Variants in OSBPL5 observed in about 807,000 individuals in gnomAD.
The protein encoded by OSBPL5 is oxysterol binding protein like 5.
In OSBPL5, 71 loss-of-function variants were observed where a neutral mutation model predicts 111.2. That is an observed-to-expected ratio of 0.64 (90% CI 0.53 to 0.78). OSBPL5 has a LOEUF of 0.78. Among genes scored for constraint, OSBPL5 ranks in the 30% least tolerant of loss-of-function variants. OSBPL5 has a pLI of 0.00. For missense variants in OSBPL5, 1,210 were observed against 1,189.3 expected, an observed-to-expected ratio of 1.02 and a Z score of -0.26; for synonymous variants, 549 against 513.9, an observed-to-expected ratio of 1.07 and a Z score of -0.93.
rs993614709 is a variant in OSBPL5, at chr11:3,109,569, T to C, written c.692-1624A>G. ...TCGTGGGGCATCTCAGGGTCCAGTGTAGGGAGGGGCCTGCCTAGACAGTGG... is the reference window on the plus strand; with the variant it reads ...TCGTGGGGCATCTCAGGGTCCAGTGCAGGGAGGGGCCTGCCTAGACAGTGG... On this transcript the variant is annotated intron_variant, in intron 7 of 21. Transcript: ENST00000263650. The surrounding 1 kb of genome is among the most constrained non-coding windows in gnomAD (Gnocchi z 7.4). Among the ~76,000 whole-genome samples the C allele has an allele frequency of 2.0e-5, 3 of 152,142 alleles. No individual in the cohort carries two copies. The highest frequency in any genetic ancestry group is 2.9e-5 in the Non-Finnish European group (2 of 68,018).
chr11:3,089,673 C>T (rs893458437), intron 21 of OSBPL5, among the ~76,000 whole-genome samples, 173 bp downstream of exon 21: 1 of 152,202 alleles, frequency 6.6e-6, no homozygotes, highest in Admixed American at 6.5e-5. Context: ...CACACCCTCT[C>T]TCCTGCCCTC....
intron 12 of OSBPL5, 91 bp from the exon 13 acceptor site, chr11:3,101,790 G>C (rs933775424): frequency 9.7e-7 from 1 of 1,028,180 alleles, no homozygotes; most frequent in African/African-American, 1.6e-5. Context: ...ACCTGTCCCT[G>C]TCCCTGACGC....
At position 3,162,348 on chromosome 11, in the gene OSBPL5, G is replaced by T. The variant is rs1188078148; in HGVS notation, c.-22+2868C>A. Among the ~76,000 whole-genome samples the T allele has an allele frequency of 6.6e-6, 1 of 151,950 alleles. No homozygotes were observed. The highest frequency in any genetic ancestry group is 1.5e-5 in the Non-Finnish European group (1 of 67,988). ...GGTGGCTCTGAGATTTGCAACAAAG[G>T]CCCTCTAGGAATTCTGGATCCCTCT... On this transcript the variant is annotated intron_variant, in intron 1 of 21. Transcript: ENST00000263650. The surrounding 1 kb of genome is among the most constrained non-coding windows in gnomAD (Gnocchi z 8.1).
chr11:3,124,735 G>A (rs1435046584), intron 3 of OSBPL5, among the ~76,000 whole-genome samples: 1 of 152,110 alleles, frequency 6.6e-6, no homozygotes, highest in Non-Finnish European at 1.5e-5. Flanking sequence ...CTTCCACCAG[G>A]GGAGGGTTCT....
intron 11 of OSBPL5, 32 bp downstream of exon 11, chr11:3,103,207 A>G: frequency 1.9e-6 from 3 of 1,566,580 alleles, no homozygotes; most frequent in Non-Finnish European, 2.6e-6. Flanking sequence ...CCTGGGCCGG[A>G]GCCCCACCCT....
chr11:3,144,188 A>G (rs892347748), intron 1 of OSBPL5, among the ~76,000 whole-genome samples: 112 of 152,292 alleles, frequency 7.4e-4, no homozygotes, highest in Non-Finnish European at 1.1e-3. Context: ...ACGCGGGTGG[A>G]AGTGACAGGC....
intron 1 of OSBPL5, among the ~76,000 whole-genome samples, chr11:3,155,810 C>T (rs148836769): frequency 0.015 from 2,357 of 152,350 alleles, 66 homozygotes; most frequent in African/African-American, 0.054. Context: ...TCCCAAGCCC[C>T]GTCTCCCCGT....
intron 13 of OSBPL5, among the ~76,000 whole-genome samples, chr11:3,100,646 G>A (rs1358552315): frequency 1.3e-5 from 2 of 152,188 alleles, no homozygotes; most frequent in Non-Finnish European, 2.9e-5. Flanking sequence ...GTGAGGAGAG[G>A]ACAGAGTTGG....
At chr11:3,122,327 C>T in intron 4 of OSBPL5, 21 bp downstream of exon 4, 1 of 1,608,658 alleles carries the variant, frequency 6.2e-7, no homozygotes, top group East Asian at 2.2e-5. Flanking sequence ...ACTGCTGCAC[C>T]CTCCCCGGGC....
rs1416819867 is a variant in OSBPL5 at position 3,105,723 on chromosome 11, TGTGCTCGGCCTCTGAAGGTTGG to T, written c.1060-1368_1060-1347del. ...TGCCCCACCTCTGTGAAGCCTTATCTGTGCTCGGCCTCTGAAGGTTGGGTGCCCGGGCCCCTTGGCTGCCCGC... is the reference window on the plus strand; with the variant it reads ...TGCCCCACCTCTGTGAAGCCTTATCTGTGCCCGGGCCCCTTGGCTGCCCGC... On this transcript the variant is annotated intron_variant, in intron 9 of 21. Transcript: ENST00000263650. The surrounding 1 kb of genome is among the most constrained non-coding windows in gnomAD (Gnocchi z 5.2). 6.6e-6 allele frequency among the ~76,000 whole-genome samples: 1 copy of T among 152,174 alleles called. No individual in the cohort carries two copies. The highest frequency in any genetic ancestry group is 1.5e-5 in the Non-Finnish European group (1 of 68,024).
chr11:3,130,700 C>T lies in OSBPL5; in HGVS notation c.-21-1531G>A, dbSNP rs1858795301. ...GTCACAGAGCTAACAATCAGCAATG[C>T]CGTCCTTAAGCCAGGTGGAACCGAT... On this transcript the variant is annotated intron_variant, in intron 1 of 21. Coordinates refer to ENST00000263650, the MANE Select transcript of OSBPL5 (RefSeq NM_020896.4). The surrounding 1 kb of genome is among the most constrained non-coding windows in gnomAD (Gnocchi z 4.5). Among the ~76,000 whole-genome samples the T allele has an allele frequency of 6.6e-6, 1 of 152,212 alleles. No homozygotes were observed. Among genetic ancestry groups the T allele is most frequent in the African/African-American group, 2.4e-5 (1 of 41,460 alleles).
rs1434419900 is a variant in OSBPL5 at position 3,141,221 on chromosome 11, G to A, written c.-21-12052C>T. On this transcript the variant is annotated intron_variant, in intron 1 of 21. Transcript: ENST00000263650. This position sits in a 1 kb window ranked among gnomAD's most constrained non-coding sequence, Gnocchi z 6.5. ...AGTATCGTCATCATGTGTGATGCAG[G>A]GAGGGCACAGGAGATGCCACCGAGT... Among the ~76,000 whole-genome samples, 2 of 152,148 alleles carry A rather than the reference G, an allele frequency of 1.3e-5. No homozygotes were observed. Among genetic ancestry groups the A allele is most frequent in the Admixed American group, 1.3e-4 (2 of 15,286 alleles).
intron 1 of OSBPL5, among the ~76,000 whole-genome samples, chr11:3,137,812 C>T (rs902713713): frequency 2.0e-5 from 3 of 152,224 alleles, no homozygotes; most frequent in Non-Finnish European, 4.4e-5. Flanking sequence ...TCATCACACA[C>T]AAACACACTG....
chr11:3,108,017 G>A, intron 7 of OSBPL5, 72 bp from the exon 8 acceptor site: 2 of 1,538,726 alleles, frequency 1.3e-6, no homozygotes, highest in South Asian at 1.2e-5. Context: ...GGGGCCACCA[G>A]GAGGCTCCCC....
At chr11:3,091,910 T>A (rs943380569) in intron 19 of OSBPL5, among the ~76,000 whole-genome samples, 110 of 152,084 alleles carry the variant, frequency 7.2e-4, no homozygotes, top group African/African-American at 2.3e-3. Context: ...GCTGGGGCGG[T>A]GCAGCTCAGC....
chr11:3,104,073 T>G lies in OSBPL5; in HGVS notation c.1244+120A>C. ...GGCTACAGCTGCAGAAACAGTGGGCTGAGATCAGCCATGGGATTCTCTGGA... is the reference window on the plus strand; with the variant it reads ...GGCTACAGCTGCAGAAACAGTGGGCGGAGATCAGCCATGGGATTCTCTGGA... On this transcript the variant is annotated intron_variant, in intron 10 of 21. Transcript: ENST00000263650. The surrounding 1 kb of genome is among the most constrained non-coding windows in gnomAD (Gnocchi z 5.0). 5.7e-6 allele frequency: 7 copies of G among 1,233,904 alleles called. No individual in the cohort carries two copies. The highest frequency in any genetic ancestry group is 2.4e-5 in the East Asian group (1 of 41,354). The allele number at this position is 1,233,904 out of a possible 1,614,324, so 76.4% of individuals were successfully genotyped here.
At chr11:3,098,163 T>C (rs1328644999) in intron 14 of OSBPL5, among the ~76,000 whole-genome samples, 2 of 150,024 alleles carry the variant, frequency 1.3e-5, no homozygotes, top group African/African-American at 4.9e-5. Context: ...TATATCAAAA[T>C]GGAAAACTCA....
intron 13 of OSBPL5, among the ~76,000 whole-genome samples, 167 bp from the exon 14 acceptor site, chr11:3,100,423 T>G (rs1857413384): frequency 6.6e-6 from 1 of 152,226 alleles, no homozygotes. Flanking sequence ...GGCCTCAGAT[T>G]CTGTAAAATC....
chr11:3,138,718 G>A (rs905517017), intron 1 of OSBPL5, among the ~76,000 whole-genome samples: 2 of 152,232 alleles, frequency 1.3e-5, no homozygotes, highest in African/African-American at 4.8e-5. Context: ...TCCTGGTGAG[G>A]CTCCTGGGCT....
Sources: gnomAD v4.1 joint callset for allele counts (sites outside exome capture counted in the v4.1 genomes callset) on GRCh38, gnomAD v4.1.1 for gene constraint, Gnocchi (gnomAD v3.1) non-coding constraint, MANE v1.5 for transcripts, NCBI Gene and HGNC (gene_info 2026-07-23, HGNC 2026-07-21) for gene names.